LSAMP: variants seen among roughly 807,000 people sequenced by gnomAD.
The protein encoded by LSAMP is limbic system associated membrane protein, also known as limbic system-associated membrane protein.
LSAMP carries 7 observed loss-of-function variants against 38.6 expected under a neutral mutation model. The observed-to-expected ratio is 0.18, with a 90% CI of 0.10 to 0.34. LSAMP has a LOEUF of 0.34. Ranked by LOEUF, LSAMP falls within the 10% of genes least tolerant of loss-of-function variation. LSAMP has a pLI of 1.00. For synonymous variants in LSAMP, 154 were observed against 166.8 expected (o/e 0.92, Z 0.59); for missense variants, 313 against 420.0 (o/e 0.75, Z 2.23).
intron 1 of LSAMP, among the ~76,000 whole-genome samples, chr3:116,108,100 A>C (rs1031855115): frequency 6.6e-6 from 1 of 151,990 alleles, no homozygotes; most frequent in African/African-American, 2.4e-5. Flanking sequence ...GGTTTTAATG[A>C]GATGGTAAGG....
chr3:115,915,365 G>T (rs1278367430), intron 3 of LSAMP, among the ~76,000 whole-genome samples: 1 of 152,218 alleles, frequency 6.6e-6, no homozygotes, highest in Non-Finnish European at 1.5e-5. Context: ...GTTGTAAAAG[G>T]TGTTGTTGAC....
At chr3:116,324,250 C>A (rs917126919) in intron 1 of LSAMP, among the ~76,000 whole-genome samples, 3 of 152,118 alleles carry the variant, frequency 2.0e-5, no homozygotes, top group Admixed American at 1.3e-4. Context: ...ATCTCAGAAG[C>A]AATAACAGAT....
At chr3:115,847,513 C>T (rs1011154031) in intron 4 of LSAMP, among the ~76,000 whole-genome samples, 11 of 152,108 alleles carry the variant, frequency 7.2e-5, no homozygotes, top group African/African-American at 2.4e-4. Flanking sequence ...TGGCTGTGTT[C>T]CCACCCAAAA....
In LSAMP at chr3:116,420,711, T is replaced by A. The variant is rs956046026; in HGVS notation, c.155+24166A>T. On this transcript the variant is annotated intron_variant, in intron 1 of 6. Coordinates refer to ENST00000490035, the MANE Select transcript of LSAMP (RefSeq NM_002338.5). ...CATGGTGAAACCCCATCTCTAATTT[T>A]AAAAAATACAAAAATATTAGCCGGG... Among the ~76,000 whole-genome samples the A allele has an allele frequency of 9.5e-4, 144 of 151,264 alleles. 1 individual carries two copies. Among genetic ancestry groups the A allele is most frequent in the Non-Finnish European group, 1.2e-3 (80 of 67,744 alleles).
At chr3:115,826,694 G>C (rs1559838297) in intron 6 of LSAMP, among the ~76,000 whole-genome samples, 1 of 152,152 alleles carries the variant, frequency 6.6e-6, no homozygotes, top group Non-Finnish European at 1.5e-5. Flanking sequence ...AAGATATTGT[G>C]CATGTCAAAT....
chr3:116,326,292 C>T (rs1273368918), intron 1 of LSAMP, among the ~76,000 whole-genome samples: 1 of 152,090 alleles, frequency 6.6e-6, no homozygotes, highest in Non-Finnish European at 1.5e-5. Flanking sequence ...AATCCCTATT[C>T]TCAATTAGAA....
At chr3:116,112,501 T>A (rs1708638216) in intron 1 of LSAMP, among the ~76,000 whole-genome samples, 1 of 152,150 alleles carries the variant, frequency 6.6e-6, no homozygotes, top group African/African-American at 2.4e-5. Context: ...ACTCACAATC[T>A]GAAAAAGAAT....
At chr3:115,823,523 C>G (rs928898206) in intron 6 of LSAMP, among the ~76,000 whole-genome samples, 1 of 152,196 alleles carries the variant, frequency 6.6e-6, no homozygotes, top group Non-Finnish European at 1.5e-5. Context: ...AGGGATTACA[C>G]AGGAGCTTTA....
chr3:116,219,880 C>A (rs1204184557), intron 1 of LSAMP, among the ~76,000 whole-genome samples: 2 of 152,008 alleles, frequency 1.3e-5, no homozygotes, highest in African/African-American at 4.8e-5. Context: ...AAATGCAAAT[C>A]AAAATCACAA....
intron 1 of LSAMP, among the ~76,000 whole-genome samples, chr3:116,428,977 A>T (rs1377429740): frequency 6.6e-6 from 1 of 152,170 alleles, no homozygotes; most frequent in Non-Finnish European, 1.5e-5. Flanking sequence ...TTAGTTCCTA[A>T]ACTCTGTCTA....
chr3:116,060,840 C>A (rs1046356233), intron 2 of LSAMP, among the ~76,000 whole-genome samples: 3 of 151,306 alleles, frequency 2.0e-5, no homozygotes, highest in Non-Finnish European at 1.5e-5. Flanking sequence ...AAATTTTGCA[C>A]CTACAATACC....
intron 1 of LSAMP, among the ~76,000 whole-genome samples, chr3:116,274,545 T>C (rs1398869111): frequency 1.3e-5 from 2 of 152,154 alleles, no homozygotes; most frequent in African/African-American, 2.4e-5. Context: ...CAGTAAATCA[T>C]TTAAAACACA....
At chr3:115,996,508 T>G (rs1939818517) in intron 3 of LSAMP, among the ~76,000 whole-genome samples, 1 of 152,106 alleles carries the variant, frequency 6.6e-6, no homozygotes, top group Non-Finnish European at 1.5e-5. Context: ...CAGGGATAAA[T>G]GTAAAGTTTT....
intron 1 of LSAMP, among the ~76,000 whole-genome samples, chr3:116,195,139 A>G (rs1352099510): frequency 6.6e-6 from 1 of 152,150 alleles, no homozygotes; most frequent in Non-Finnish European, 1.5e-5. Context: ...GGAGATGGCT[A>G]TATTTCCTCT....
intron 3 of LSAMP, among the ~76,000 whole-genome samples, chr3:115,980,968 G>C (rs1300113096): frequency 6.6e-6 from 1 of 152,086 alleles, no homozygotes; most frequent in Non-Finnish European, 1.5e-5. Context: ...TCGTTTCACT[G>C]GTGATAACCA....
intron 4 of LSAMP, among the ~76,000 whole-genome samples, chr3:115,850,202 G>T (rs1231083064): frequency 1.3e-5 from 2 of 152,096 alleles, no homozygotes; most frequent in Non-Finnish European, 2.9e-5. Flanking sequence ...ACACTTTGGG[G>T]ACAGTCAAGA....
At chr3:115,863,595 TATAA>T (rs1935773691) in intron 3 of LSAMP, among the ~76,000 whole-genome samples, 1 of 151,802 alleles carries the variant, frequency 6.6e-6, no homozygotes, top group Non-Finnish European at 1.5e-5. Flanking sequence ...TGTATATATA[TATAA>T]ATAAATGTTT....
intron 1 of LSAMP, among the ~76,000 whole-genome samples, chr3:116,283,808 C>G (rs2047159568): frequency 6.6e-6 from 1 of 152,086 alleles, no homozygotes; most frequent in African/African-American, 2.4e-5. Context: ...GATAGTCTCA[C>G]CAGCCTGGGA....
intron 1 of LSAMP, among the ~76,000 whole-genome samples, chr3:116,279,630 A>G (rs988407410): frequency 1.3e-5 from 2 of 152,208 alleles, no homozygotes; most frequent in Non-Finnish European, 2.9e-5. Context: ...TGGTTATTAT[A>G]TTTTATTGCT....
Sources: gnomAD v4.1 joint callset for allele counts (sites outside exome capture counted in the v4.1 genomes callset) on GRCh38, gnomAD v4.1.1 for gene constraint, MANE v1.5 for transcripts, NCBI Gene and HGNC (gene_info 2026-07-23, HGNC 2026-07-21) for gene names.